DIAPH3: variants seen among roughly 807,000 people sequenced by gnomAD.
DIAPH3 encodes the protein diaphanous related formin 3, also known as protein diaphanous homolog 3.
A neutral mutation model predicts 144.3 loss-of-function variants in DIAPH3; 117 were observed. The ratio of observed to expected loss-of-function variants is 0.81; its 90% CI spans 0.70 to 0.95. DIAPH3 has a LOEUF of 0.95. Among genes scored for constraint, DIAPH3 ranks in the 40% least tolerant of loss-of-function variants. DIAPH3 has a pLI of 0.00. For missense variants in DIAPH3, 1,421 were observed against 1,412.7 expected (o/e 1.01, Z -0.09); for synonymous variants, 519 against 488.9 (o/e 1.06, Z -0.81).
At chr13:60,141,699 T>C (rs2059428083) in intron 1 of DIAPH3, among the ~76,000 whole-genome samples, 1 of 152,188 alleles carries the variant, frequency 6.6e-6, no homozygotes, top group South Asian at 2.1e-4. Flanking sequence ...GAGAGATCAA[T>C]AAATAAAACA....
intron 3 of DIAPH3, among the ~76,000 whole-genome samples, chr13:60,104,016 G>A (rs2138000435): frequency 6.6e-6 from 1 of 152,206 alleles, no homozygotes; most frequent in African/African-American, 2.4e-5. Flanking sequence ...ATTATACACT[G>A]TTGAACAGGG....
At position 59,793,084 on chromosome 13, in the gene DIAPH3, C is replaced by T. The variant is rs991176801; in HGVS notation, c.3163+17704G>A. 3.3e-5 allele frequency among the ~76,000 whole-genome samples: 5 copies of T among 152,172 alleles called. No homozygotes were observed. In the South Asian group the frequency reaches 6.2e-4, roughly 19 times the overall value. ...AAAGGCCTTCCTTTTAGATAGAAAACAGGAACCACTTGATGAAAGCTTCCT... is the reference window on the plus strand; with the variant it reads ...AAAGGCCTTCCTTTTAGATAGAAAATAGGAACCACTTGATGAAAGCTTCCT... On this transcript the variant is annotated intron_variant, in intron 25 of 27. Coordinates refer to ENST00000400324, the MANE Select transcript of DIAPH3 (RefSeq NM_001042517.2).
chr13:59,810,579 C>G (rs903757190), intron 25 of DIAPH3, among the ~76,000 whole-genome samples: 1 of 152,148 alleles, frequency 6.6e-6, no homozygotes. Flanking sequence ...ACCAAATCAC[C>G]TATGACCAAC....
chr13:60,074,685 T>C (rs2141368784), intron 4 of DIAPH3, among the ~76,000 whole-genome samples: 1 of 152,330 alleles, frequency 6.6e-6, no homozygotes, highest in Non-Finnish European at 1.5e-5. Context: ...TTCCTTTACA[T>C]GGGCAGATAT....
chr13:59,956,066 C>T (rs1206279517), intron 17 of DIAPH3, among the ~76,000 whole-genome samples: 2 of 152,114 alleles, frequency 1.3e-5, no homozygotes, highest in Non-Finnish European at 2.9e-5. Context: ...CAAATTGGAA[C>T]TTATGTTTAA....
chr13:59,948,994 A>G lies in DIAPH3; in HGVS notation c.2074+20950T>C, dbSNP rs138583778. On this transcript the variant is annotated intron_variant, in intron 17 of 27. Coordinates refer to ENST00000400324, the MANE Select transcript of DIAPH3 (RefSeq NM_001042517.2). ...GTAGCATCTCATCTAAAAATGTAGA[A>G]AAGTGCCACAATAAACTGAGCAGAG... Among the ~76,000 whole-genome samples, 320 of 152,286 alleles carry G rather than the reference A, an allele frequency of 2.1e-3. 3 individuals carry two copies. The highest frequency in any genetic ancestry group is 7.4e-3 in the African/African-American group (309 of 41,556).
chr13:59,810,263 G>A (rs752042399), intron 25 of DIAPH3, among the ~76,000 whole-genome samples: 42 of 152,062 alleles, frequency 2.8e-4, no homozygotes, highest in Admixed American at 2.0e-4. Flanking sequence ...AGGCTCAGGC[G>A]ATCCTCCCAC....
At chr13:59,694,135 ATAGT>A (rs911769490) in intron 27 of DIAPH3, among the ~76,000 whole-genome samples, 8 of 152,304 alleles carry the variant, frequency 5.3e-5, no homozygotes, top group South Asian at 2.1e-4. Flanking sequence ...TTAAGAACCA[ATAGT>A]TAGCCTCAGT....
At chr13:59,910,620 T>G (rs1420133284) in intron 20 of DIAPH3, among the ~76,000 whole-genome samples, 1 of 151,582 alleles carries the variant, frequency 6.6e-6, no homozygotes, top group African/African-American at 2.4e-5. Context: ...TCCCAGCTAC[T>G]CAGGAGGCTG....
chr13:60,034,429 A>G (rs1000837981), intron 5 of DIAPH3: 6 of 152,136 alleles, frequency 3.9e-5, no homozygotes, highest in African/African-American at 1.4e-4. Context: ...AGTTTCAAAT[A>G]ATTAGGTTTG....
chr13:60,014,969 T>TTTGGTTTTG (rs2053536121), intron 7 of DIAPH3, among the ~76,000 whole-genome samples: 1 of 147,000 alleles, frequency 6.8e-6, no homozygotes, highest in Non-Finnish European at 1.5e-5. Flanking sequence ...TTTTCTAGTT[T>TTTGGTTTTG]TTTTGTTTTG....
rs370743803 is a variant in DIAPH3, at chr13:59,683,071, G to A, written c.3320-16225C>T. Among the ~76,000 whole-genome samples the A allele has an allele frequency of 4.6e-5, 7 of 152,316 alleles. 1 individual carries two copies. In the East Asian group the frequency reaches 1.4e-3, roughly 29 times the overall value. On this transcript the variant is annotated intron_variant, in intron 27 of 27. Transcript: ENST00000400324. ...TATGCTTTCATTCATTTAGTCAAAAGTATGAACAGTGGGCCATGCTGCTTT... is the reference window on the plus strand; with the variant it reads ...TATGCTTTCATTCATTTAGTCAAAAATATGAACAGTGGGCCATGCTGCTTT...
At chr13:59,809,149 C>G (rs985612547) in intron 25 of DIAPH3, among the ~76,000 whole-genome samples, 1 of 152,138 alleles carries the variant, frequency 6.6e-6, no homozygotes, top group Non-Finnish European at 1.5e-5. Context: ...AACCCACAAA[C>G]AATACATCCA....
At chr13:59,853,665 C>T (rs1593689072) in intron 22 of DIAPH3, among the ~76,000 whole-genome samples, 1 of 152,228 alleles carries the variant, frequency 6.6e-6, no homozygotes, top group Admixed American at 6.5e-5. Context: ...ATTACTCGGT[C>T]TCAGGTAGCT....
intron 17 of DIAPH3, among the ~76,000 whole-genome samples, chr13:59,943,599 T>C (rs2048652281): frequency 6.6e-6 from 1 of 152,146 alleles, no homozygotes; most frequent in South Asian, 2.1e-4. Flanking sequence ...TACAGAAAAG[T>C]CAAATGTTAA....
intron 4 of DIAPH3, among the ~76,000 whole-genome samples, chr13:60,058,523 G>A (rs545714446): frequency 6.6e-6 from 1 of 151,924 alleles, no homozygotes; most frequent in East Asian, 1.9e-4. Flanking sequence ...ATTCGATCCA[G>A]CAGTTCCACA....
intron 17 of DIAPH3, among the ~76,000 whole-genome samples, chr13:59,949,915 C>T (rs1292205925): frequency 1.3e-5 from 2 of 152,170 alleles, no homozygotes; most frequent in Non-Finnish European, 2.9e-5. Context: ...GTGGATCACA[C>T]TTCCTCAAAG....
intron 4 of DIAPH3, among the ~76,000 whole-genome samples, chr13:60,058,304 A>C (rs1254750097): frequency 6.6e-6 from 1 of 151,940 alleles, no homozygotes; most frequent in Non-Finnish European, 1.5e-5. Context: ...GCTCATCACC[A>C]ATCATCATGG....
At chr13:59,742,171 T>C (rs1232590238) in intron 27 of DIAPH3, among the ~76,000 whole-genome samples, 4 of 152,112 alleles carry the variant, frequency 2.6e-5, no homozygotes, top group Non-Finnish European at 5.9e-5. Flanking sequence ...ACCACCCCCA[T>C]GATTTAATTA....
Sources: allele counts gnomAD v4.1 joint callset (sites outside exome capture counted in the v4.1 genomes callset), GRCh38; gene constraint gnomAD v4.1.1; transcripts MANE v1.5; gene names NCBI Gene and HGNC (gene_info 2026-07-23, HGNC 2026-07-21).